The following GRID1 variants were observed in gnomAD, a reference collection of about 807,000 sequenced individuals.
GRID1 encodes glutamate ionotropic receptor delta type subunit 1.
A neutral mutation model predicts 98.0 loss-of-function variants in GRID1; 28 were observed. That is an observed-to-expected ratio of 0.29 (90% CI 0.21 to 0.39). The LOEUF (loss-of-function observed/expected upper bound fraction) is 0.39. GRID1 is among the 10% of genes least tolerant of loss of function. The pLI is 1.00. For synonymous variants in GRID1, 553 were observed against 538.5 expected (o/e 1.03, Z -0.37); for missense variants, 1,111 against 1,340.5 (o/e 0.83, Z 2.67).
At chr10:85,716,173 C>T (rs1841636912) in intron 12 of GRID1, among the ~76,000 whole-genome samples, 1 of 152,176 alleles carries the variant, frequency 6.6e-6, no homozygotes. Flanking sequence ...TCCCAAAGTG[C>T]TCGATTACAG....
rs113330156 is a variant in GRID1, at chr10:86,175,713, A to ATT, written c.520+30649_520+30650dup. Among the ~76,000 whole-genome samples, 115 of 146,012 alleles carry ATT rather than the reference A, an allele frequency of 7.9e-4. 2 individuals are homozygous for ATT. Among genetic ancestry groups the ATT allele is most frequent in the Middle Eastern group, 3.5e-3 (1 of 288 alleles). ...ATTCACTTAGGGGGAATGAGTCACT[A>ATT]TTTTTTTTTTTTTGAGACAGAGTTT... On this transcript the variant is annotated intron_variant, in intron 3 of 15. Coordinates refer to ENST00000327946, the MANE Select transcript of GRID1 (RefSeq NM_017551.3).
At chr10:86,225,525 G>C in intron 2 of GRID1, among the ~76,000 whole-genome samples, 1 of 152,212 alleles carries the variant, frequency 6.6e-6, no homozygotes, top group Non-Finnish European at 1.5e-5. Context: ...CCCAGTGGCT[G>C]GATGTCGGCC....
intron 4 of GRID1, among the ~76,000 whole-genome samples, chr10:85,961,069 T>A (rs7094414): frequency 0.011 from 1,689 of 152,110 alleles, 35 homozygotes; most frequent in African/African-American, 0.039. Context: ...GTCTCAGAAG[T>A]GGGCCCTGCC....
intron 13 of GRID1, among the ~76,000 whole-genome samples, chr10:85,638,897 A>AC (rs1326502728): frequency 6.6e-6 from 1 of 152,160 alleles, no homozygotes; most frequent in Non-Finnish European, 1.5e-5. Context: ...GTTCATACCC[A>AC]CTAAATTGGC....
chr10:85,612,779 G>T (rs544647915), intron 15 of GRID1, among the ~76,000 whole-genome samples: 1 of 152,032 alleles, frequency 6.6e-6, no homozygotes, highest in East Asian at 1.9e-4. Context: ...CACAAACCCA[G>T]TAAGAAGGAA....
intron 12 of GRID1, among the ~76,000 whole-genome samples, chr10:85,653,071 A>T (rs1840846346): frequency 6.6e-6 from 1 of 152,120 alleles, no homozygotes; most frequent in Non-Finnish European, 1.5e-5. Flanking sequence ...GCCACACAAG[A>T]CTCAGTCACA....
intron 2 of GRID1, among the ~76,000 whole-genome samples, chr10:86,260,484 A>G (rs2132054670): frequency 1.3e-5 from 2 of 152,296 alleles, no homozygotes; most frequent in East Asian, 3.9e-4. Context: ...TTGGAGCTTC[A>G]TCAATAATCC....
intron 2 of GRID1, among the ~76,000 whole-genome samples, chr10:86,233,865 C>T (rs1846495154): frequency 6.6e-6 from 1 of 151,240 alleles, no homozygotes; most frequent in South Asian, 2.1e-4. Flanking sequence ...GGCCAAGACT[C>T]CCTTGTCCCC....
intron 4 of GRID1, among the ~76,000 whole-genome samples, chr10:86,001,221 A>G (rs993869747): frequency 1.1e-4 from 16 of 152,326 alleles, no homozygotes; most frequent in African/African-American, 3.8e-4. Context: ...AAGGGATAAT[A>G]TAAGGAAATT....
At chr10:85,974,371 T>C (rs947880141) in intron 4 of GRID1, among the ~76,000 whole-genome samples, 1 of 152,226 alleles carries the variant, frequency 6.6e-6, no homozygotes, top group African/African-American at 2.4e-5. Context: ...GAGGACTAAA[T>C]GGGATAATGT....
Position 85,723,136 on chromosome 10 carries a change from C to T in GRID1, c.1864G>A (p.Glu622Lys), listed in dbSNP as rs148165863. Residue 622 changes from glutamate to lysine, a missense_variant, in exon 12 of 16, where the codon GAA becomes AAA. Coordinates refer to ENST00000327946, the MANE Select transcript of GRID1 (RefSeq NM_017551.3). ...VYGAFVQQGGESSVNSMAMRI... is the reference protein window; with the variant it reads ...VYGAFVQQGGKSSVNSMAMRI... ...ATGGCCATGGAGTTCACGGAAGATT[C>T]GCCACCTGCGGGAGGCAGACAAAGT... The T allele has an allele frequency of 6.9e-5, 111 of 1,605,096 alleles. No individual in the cohort carries two copies. Among genetic ancestry groups the T allele is most frequent in the South Asian group, 6.6e-4 (59 of 88,868 alleles).
intron 2 of GRID1, among the ~76,000 whole-genome samples, chr10:86,226,012 A>C (rs1349856900): frequency 1.3e-5 from 2 of 152,068 alleles, no homozygotes; most frequent in Admixed American, 1.3e-4. Flanking sequence ...GCCCGATTCA[A>C]TTAATAGTCA....
intron 4 of GRID1, among the ~76,000 whole-genome samples, chr10:86,019,826 A>G (rs550393008): frequency 1.3e-5 from 2 of 152,370 alleles, no homozygotes; most frequent in African/African-American, 2.4e-5. Context: ...CATCCTCAGC[A>G]TGTATACCCA....
At chr10:86,269,748 AG>A (rs1250222091) in intron 2 of GRID1, among the ~76,000 whole-genome samples, 1 of 152,210 alleles carries the variant, frequency 6.6e-6, no homozygotes, top group African/African-American at 2.4e-5. Flanking sequence ...TCTTGGAGGT[AG>A]GGGCACATCC....
intron 4 of GRID1, among the ~76,000 whole-genome samples, chr10:86,126,394 G>A (rs1290833601): frequency 6.6e-6 from 1 of 152,240 alleles, no homozygotes; most frequent in Non-Finnish European, 1.5e-5. Flanking sequence ...GGCAGAGGTT[G>A]CAGCGAGCTG....
At chr10:86,295,596 GT>G (rs1353945609) in intron 2 of GRID1, among the ~76,000 whole-genome samples, 2 of 152,146 alleles carry the variant, frequency 1.3e-5, no homozygotes, top group Non-Finnish European at 2.9e-5. Flanking sequence ...AGAGGGGAAG[GT>G]CAGACGGAGT....
intron 4 of GRID1, among the ~76,000 whole-genome samples, chr10:86,014,961 T>C (rs561220829): frequency 2.6e-5 from 4 of 152,352 alleles, no homozygotes; most frequent in Non-Finnish European, 4.4e-5. Flanking sequence ...GTTATTCAGA[T>C]ACTTTGTTTC....
intron 4 of GRID1, among the ~76,000 whole-genome samples, chr10:86,022,985 C>G (rs1216261050): frequency 6.6e-6 from 1 of 151,846 alleles, no homozygotes; most frequent in Non-Finnish European, 1.5e-5. Context: ...AGACCAGCAC[C>G]CAAACAAGGG....
Position 85,775,118 on chromosome 10 carries a change from C to T in GRID1, c.1234-45504G>A, listed in dbSNP as rs977963732. ...TAGACTGGATTAAGAAAATGTGGCA[C>T]ATATACACCATGGAATACTATGCAG... On this transcript the variant is annotated intron_variant, in intron 8 of 15. Transcript: ENST00000327946. Among the ~76,000 whole-genome samples the T allele has an allele frequency of 2.6e-5, 4 of 152,068 alleles. No homozygotes were observed. The East Asian group carries it at 5.8e-4, about 22-fold the overall frequency.
Sources: allele counts gnomAD v4.1 joint callset (sites outside exome capture counted in the v4.1 genomes callset), GRCh38; gene constraint gnomAD v4.1.1; transcripts MANE v1.5; gene names NCBI Gene and HGNC (gene_info 2026-07-23, HGNC 2026-07-21).